SPAG16: variants seen among roughly 807,000 people sequenced by gnomAD.
The protein encoded by SPAG16 is sperm associated antigen 16.
A neutral mutation model predicts 80.4 loss-of-function variants in SPAG16; 86 were observed. That is an observed-to-expected ratio of 1.07 (90% confidence interval 0.90 to 1.28). SPAG16 has a LOEUF of 1.28. Among genes scored for constraint, SPAG16 ranks in the 50% most tolerant of loss-of-function variants. The pLI, the probability that SPAG16 is intolerant of heterozygous loss-of-function variation, is 0.00. For synonymous variants in SPAG16, 294 were observed against 265.9 expected (o/e 1.11, Z -1.03); for missense variants, 870 against 765.3 (o/e 1.14, Z -1.61).
chr2:213,837,171 T>C (rs1041345000), intron 10 of SPAG16, among the ~76,000 whole-genome samples: 19 of 152,210 alleles, frequency 1.2e-4, no homozygotes, highest in African/African-American at 4.6e-4. Flanking sequence ...AACCATGAAA[T>C]ATATTTATGT....
At chr2:213,572,818 C>T (rs71350755) in intron 10 of SPAG16, among the ~76,000 whole-genome samples, 48 of 149,664 alleles carry the variant, frequency 3.2e-4, no homozygotes, top group African/African-American at 9.4e-4. Context: ...TGGGCAATGG[C>T]GGGCGCCCCT....
intron 13 of SPAG16, among the ~76,000 whole-genome samples, chr2:214,090,660 A>C (rs2052126432): frequency 6.6e-6 from 1 of 151,956 alleles, no homozygotes; most frequent in Non-Finnish European, 1.5e-5. Flanking sequence ...TCTTCTTCAG[A>C]TCTCAGCTCA....
chr2:213,833,537 AT>A (rs2073880407), intron 10 of SPAG16, among the ~76,000 whole-genome samples: 1 of 96 alleles, frequency 0.01, no homozygotes, highest in Non-Finnish European at 0.036. Context: ...TATATTATAT[AT>A]AATATATATA....
At chr2:214,078,265 A>G (rs1201174563) in intron 13 of SPAG16, among the ~76,000 whole-genome samples, 1 of 152,156 alleles carries the variant, frequency 6.6e-6, no homozygotes, top group African/African-American at 2.4e-5. Context: ...ATCAAGAATT[A>G]TTCTAGGCCA....
At chr2:214,250,223 C>T (rs919321803) in intron 15 of SPAG16, 1 of 152,132 alleles carries the variant, frequency 6.6e-6, no homozygotes, top group Non-Finnish European at 1.5e-5. Flanking sequence ...AGCATTCTCT[C>T]TGCCACATTT....
intron 9 of SPAG16, among the ~76,000 whole-genome samples, chr2:213,450,311 C>G (rs1368300937): frequency 6.6e-6 from 1 of 151,894 alleles, no homozygotes; most frequent in Non-Finnish European, 1.5e-5. Context: ...CTCAAAACAA[C>G]AAAAACGAAA....
chr2:213,533,645 A>AT (rs2076147933), intron 10 of SPAG16, among the ~76,000 whole-genome samples: 1 of 152,082 alleles, frequency 6.6e-6, no homozygotes, highest in Non-Finnish European at 1.5e-5. Flanking sequence ...TTTCACCTGT[A>AT]TTTTTTAGGA....
At chr2:213,520,287 C>T (rs1057209376) in intron 10 of SPAG16, among the ~76,000 whole-genome samples, 2 of 152,092 alleles carry the variant, frequency 1.3e-5, no homozygotes, top group African/African-American at 4.8e-5. Context: ...GCCTCCAGAA[C>T]TGTAAAAGAT....
In SPAG16 at chr2:213,295,936, A is replaced by G; in HGVS notation, c.137-128A>G. The G allele has an allele frequency of 1.4e-5, 9 of 663,784 alleles. No homozygotes were observed. The South Asian group carries it at 1.8e-4, about 13-fold the overall frequency. The allele number at this position is 663,784 out of a possible 1,614,324, so 41.1% of individuals were successfully genotyped here. A position where few individuals can be genotyped will look rare whatever the true frequency, so the allele number is the denominator to read the frequency against. ...GGGAAGACAAATTTTTTAAAGATTA[A>G]ATTATATATATTTACCAACTTCCTG... On this transcript the variant is annotated intron_variant, in intron 1 of 15. Transcript: ENST00000331683.
intron 10 of SPAG16, among the ~76,000 whole-genome samples, chr2:213,601,113 G>T (rs1399803371): frequency 6.6e-6 from 1 of 152,182 alleles, no homozygotes. Context: ...AGTCTGTTGG[G>T]CCTGCAGAAG....
At chr2:213,660,121 A>C (rs2063361794) in intron 10 of SPAG16, among the ~76,000 whole-genome samples, 1 of 152,228 alleles carries the variant, frequency 6.6e-6, no homozygotes, top group Admixed American at 6.5e-5. Context: ...AACTGCTTTC[A>C]CATATAACAC....
At chr2:213,675,626 T>C (rs372354747) in intron 10 of SPAG16, among the ~76,000 whole-genome samples, 5 of 152,294 alleles carry the variant, frequency 3.3e-5, no homozygotes, top group South Asian at 2.1e-4. Flanking sequence ...TTCCCAGCAC[T>C]ATTTATTAAA....
intron 14 of SPAG16, among the ~76,000 whole-genome samples, chr2:214,134,683 T>A (rs1388972785): frequency 6.6e-6 from 1 of 152,206 alleles, no homozygotes; most frequent in African/African-American, 2.4e-5. Context: ...TCACTTGTTT[T>A]TCAGGATCTC....
chr2:214,350,594 T>G (rs1308576777), intron 15 of SPAG16, among the ~76,000 whole-genome samples: 1 of 152,278 alleles, frequency 6.6e-6, no homozygotes, highest in African/African-American at 2.4e-5. Context: ...AAAAGAAGCC[T>G]GAGTTGGGAG....
intron 15 of SPAG16, among the ~76,000 whole-genome samples, chr2:214,318,861 A>C (rs546595696): frequency 9.1e-4 from 138 of 152,292 alleles, no homozygotes; most frequent in African/African-American, 3.2e-3. Flanking sequence ...AGGTGTTGCC[A>C]GAACCCGAGC....
At chr2:213,929,032 A>G (rs866963178) in intron 11 of SPAG16, among the ~76,000 whole-genome samples, 62 of 64,910 alleles carry the variant, frequency 9.6e-4, no homozygotes, top group African/African-American at 3.8e-3. Flanking sequence ...TTTTTTTTTT[A>G]AGACTGAGTC....
chr2:214,114,924 A>G (rs767726558), intron 14 of SPAG16, among the ~76,000 whole-genome samples: 5 of 152,126 alleles, frequency 3.3e-5, no homozygotes, highest in Non-Finnish European at 7.4e-5. Context: ...TGCTGTTCCT[A>G]TTTGGCCATC....
intron 10 of SPAG16, among the ~76,000 whole-genome samples, chr2:213,521,747 A>G (rs1039082642): frequency 2.0e-4 from 31 of 152,214 alleles, no homozygotes; most frequent in African/African-American, 7.5e-4. Flanking sequence ...AAGAGTTCAC[A>G]ATAGTCATGT....
At chr2:214,271,555 C>T (rs1692004103) in intron 15 of SPAG16, among the ~76,000 whole-genome samples, 1 of 152,146 alleles carries the variant, frequency 6.6e-6, no homozygotes, top group Non-Finnish European at 1.5e-5. Flanking sequence ...AACTCCAGCA[C>T]TTTGGGAGGC....
Sources: allele counts gnomAD v4.1 joint callset (sites outside exome capture counted in the v4.1 genomes callset), GRCh38; gene constraint gnomAD v4.1.1; transcripts MANE v1.5; gene names NCBI Gene and HGNC (gene_info 2026-07-23, HGNC 2026-07-21).